Variants in PCIF1 observed in about 807,000 individuals in gnomAD.
The protein encoded by PCIF1 is phosphorylated CTD interacting factor 1.
A neutral mutation model predicts 86.9 loss-of-function variants in PCIF1; 12 were observed. The observed-to-expected ratio is 0.14, with a 90% confidence interval of 0.09 to 0.22. PCIF1 has a LOEUF of 0.22. PCIF1 is among the 10% of genes least tolerant of loss of function. The pLI is 1.00. For missense variants in PCIF1, 701 were observed against 951.1 expected (o/e 0.74, Z 3.46); for synonymous variants, 397 against 372.0 (o/e 1.07, Z -0.77).
At chr20:45,944,811 G>A in intron 10 of PCIF1, 57 bp from the exon 11 acceptor site, 2 of 1,559,516 alleles carry the variant, frequency 1.3e-6, no homozygotes, top group Non-Finnish European at 1.7e-6. Flanking sequence ...TTACCTGCCA[G>A]CCCAGCTGAG....
rs200149076 is a variant in PCIF1, at chr20:45,947,610, C to T, written c.1970C>T (p.Pro657Leu). The change falls in exon 17 of 17, where the codon CCT (proline) becomes CTT (leucine). Residue 657 changes from proline (P) to leucine (L), a missense_variant. By Grantham distance (98) the Pro-to-Leu change is moderately conservative. This residue lies in a region of PCIF1 where 174 missense variants were observed against 206.9 expected (regional missense o/e 0.84). Transcript: ENST00000372409. The surrounding 1 kb of genome is among the most constrained non-coding windows in gnomAD (Gnocchi z 5.4). ...GGCTTTGCCAAGTGGGCGCCGACGCCTGAACGGCTGCAGGAGCTGAGTGCT... is the reference window on the plus strand; with the variant it reads ...GGCTTTGCCAAGTGGGCGCCGACGCTTGAACGGCTGCAGGAGCTGAGTGCT... ...DPGFAKWAPT[P>L]ERLQELSAAY... The T allele has an allele frequency of 2.2e-4, 351 of 1,613,066 alleles. 1 individual carries two copies. In the East Asian group the frequency reaches 7.8e-3, roughly 36 times the overall value.
Position 45,943,527 on chromosome 20 carries a change from C to T in PCIF1, c.905+104C>T. 1 of 1,354,608 alleles carries T rather than the reference C, an allele frequency of 7.4e-7. No homozygotes were observed. Among genetic ancestry groups the T allele is most frequent in the South Asian group, 1.2e-5 (1 of 80,294 alleles). 83.9% of individuals were successfully genotyped at this position (1,354,608 alleles called of 1,614,324 possible). A position where few individuals can be genotyped will look rare whatever the true frequency, so the allele number is the denominator to read the frequency against. Reference sequence around the variant, plus strand: ...GCAGGGCTGTCATTGCTCTCGGTGGCAGAAGTGGGGCCAGCTCCCAAAGGC... The same window carrying T: ...GCAGGGCTGTCATTGCTCTCGGTGGTAGAAGTGGGGCCAGCTCCCAAAGGC... On this transcript the variant is annotated intron_variant, in intron 9 of 16. Coordinates refer to ENST00000372409, the MANE Select transcript of PCIF1 (RefSeq NM_022104.4). The surrounding 1 kb of genome is among the most constrained non-coding windows in gnomAD (Gnocchi z 5.5).
At chr20:45,945,949 C>T in intron 12 of PCIF1, 66 bp downstream of exon 12, 1 of 1,612,650 alleles carries the variant, frequency 6.2e-7, no homozygotes, top group Non-Finnish European at 8.5e-7. Context: ...CTTTCCTGAG[C>T]AGAGTCCCCA....
At chr20:45,936,264 C>T (rs2868363) in intron 1 of PCIF1, among the ~76,000 whole-genome samples, 133,050 of 151,580 alleles carry the variant, frequency 0.88, 59,224 homozygotes, top group Non-Finnish European at 0.95. Flanking sequence ...AACCTCCGCC[C>T]CCTGGGTTCA....
At chr20:45,937,934 A>C (rs555107420) in intron 2 of PCIF1, 2 of 207,812 alleles carry the variant, frequency 9.6e-6, no homozygotes, top group South Asian at 3.8e-4. Flanking sequence ...AATCAGTGTG[A>C]CCACAATGAG....
chr20:45,946,818 TGTG>T (rs1010716495), intron 14 of PCIF1, among the ~76,000 whole-genome samples: 4 of 152,324 alleles, frequency 2.6e-5, no homozygotes, highest in Middle Eastern at 3.4e-3. Context: ...TAGCTTCTGC[TGTG>T]GTGGTGGTGG....
At chr20:45,939,481 C>A in intron 4 of PCIF1, 142 bp downstream of exon 4, 1 of 1,247,146 alleles carries the variant, frequency 8.0e-7, no homozygotes, top group South Asian at 1.4e-5. Context: ...AGACACAGCC[C>A]CTGCCCTCAT....
At chr20:45,935,526 A>G (rs2083416823) in intron 1 of PCIF1, among the ~76,000 whole-genome samples, 1 of 152,176 alleles carries the variant, frequency 6.6e-6, no homozygotes, top group Non-Finnish European at 1.5e-5. Context: ...GACTCTACAT[A>G]TAACGGTCGA....
Position 45,943,028 on chromosome 20 carries a change from A to G in PCIF1, c.674-69A>G. 2 of 1,505,092 alleles carry G rather than the reference A, an allele frequency of 1.3e-6. No individual in the cohort carries two copies. The highest frequency in any genetic ancestry group is 1.2e-5 in the South Asian group (1 of 83,684). The allele number at this position is 1,505,092 out of a possible 1,614,324, so 93.2% of individuals were successfully genotyped here. A position where few individuals can be genotyped will look rare whatever the true frequency, so the allele number is the denominator to read the frequency against. ...CTTACTGCTGAATGCGATGCTTCCTATACGTGCCAAGCTCCAAGTGGGACT... is the reference window on the plus strand; with the variant it reads ...CTTACTGCTGAATGCGATGCTTCCTGTACGTGCCAAGCTCCAAGTGGGACT... On this transcript the variant is annotated intron_variant, in intron 7 of 16. Coordinates refer to ENST00000372409, the MANE Select transcript of PCIF1 (RefSeq NM_022104.4). This position sits in a 1 kb window ranked among gnomAD's most constrained non-coding sequence, Gnocchi z 5.5.
intron 1 of PCIF1, among the ~76,000 whole-genome samples, chr20:45,935,096 A>AGC (rs1273228445): frequency 1.2e-4 from 18 of 149,188 alleles, no homozygotes; most frequent in Non-Finnish European, 2.5e-4. Context: ...CGGGGGCGGG[A>AGC]GCGCGCGGCG....
At position 45,940,489 on chromosome 20, in the gene PCIF1, G is replaced by A; in HGVS notation, c.264G>A (p.Gly88=). Residue 88 remains glycine (G), a synonymous_variant, in exon 5 of 17, where the codon GGG becomes GGA. Transcript: ENST00000372409. ...GQHDVISDPL[G]LNATPLPQDS... Reference sequence around the variant, plus strand: ...CCCTCCACCAGTCGGACCCTTTGGGGCTGAATGCGACCCCACTGCCCCAAG... The same window carrying A: ...CCCTCCACCAGTCGGACCCTTTGGGACTGAATGCGACCCCACTGCCCCAAG... 5 of 1,606,138 alleles carry A rather than the reference G, an allele frequency of 3.1e-6. No homozygotes were observed. Among genetic ancestry groups the A allele is most frequent in the Non-Finnish European group, 3.4e-6 (4 of 1,176,032 alleles).
In PCIF1 at chr20:45,947,478, C is replaced by G. The variant is rs1048324083; in HGVS notation, c.1883+40C>G. 2.5e-6 allele frequency: 4 copies of G among 1,612,988 alleles called. No homozygotes were observed. Among genetic ancestry groups the G allele is most frequent in the Non-Finnish European group, 3.4e-6 (4 of 1,179,822 alleles). ...GGGCAGGGGAAGGAGGCTGGGCTGG[C>G]CAGGCCAGGCCCAGCCCCACCCTGA... On this transcript the variant is annotated intron_variant, in intron 16 of 16. Transcript: ENST00000372409. The surrounding 1 kb of genome is among the most constrained non-coding windows in gnomAD (Gnocchi z 5.4).
At position 45,944,504 on chromosome 20, in the gene PCIF1, A is replaced by C. The variant is rs564270586; in HGVS notation, c.1006-364A>C. ...TTCCCCAATAGACTGCAAACACCAT[A>C]AGCTGGGACTGTGCTGGTTTGTCTG... is the stretch of plus-strand genomic sequence containing the variant. On this transcript the variant is annotated intron_variant, in intron 10 of 16. Transcript: ENST00000372409. Among the ~76,000 whole-genome samples the C allele has an allele frequency of 2.7e-4, 41 of 152,368 alleles. No homozygotes were observed. The South Asian group carries it at 8.5e-3, about 32-fold the overall frequency.
rs755472660 is a variant in PCIF1, at chr20:45,946,091, C to T, written c.1404C>T (p.Val468=). 6.2e-7 allele frequency: 1 copy of T among 1,614,080 alleles called. No homozygotes were observed. Among genetic ancestry groups the T allele is most frequent in the East Asian group, 2.2e-5 (1 of 44,898 alleles). Reference sequence around the variant, plus strand: ...CCTTTGAGAGGTTCCTGCCCCGGGTCTGGTGTCTTCTCCGACGGTACCAGG... The same window carrying T: ...CCTTTGAGAGGTTCCTGCCCCGGGTTTGGTGTCTTCTCCGACGGTACCAGG... The part of the protein sequence containing the change: ...DSAFERFLPR[V]WCLLRRYQMM... Residue 468 remains valine, a synonymous_variant, in exon 13 of 17, where the codon GTC becomes GTT. Coordinates refer to ENST00000372409, the MANE Select transcript of PCIF1 (RefSeq NM_022104.4).
chr20:45,935,375 T>G (rs1425405779), intron 1 of PCIF1, among the ~76,000 whole-genome samples: 2 of 152,106 alleles, frequency 1.3e-5, no homozygotes, highest in Non-Finnish European at 2.9e-5. Flanking sequence ...GGTGGGTTTT[T>G]CTGGTTGCGC....
At position 45,946,044 on chromosome 20, in the gene PCIF1, T is replaced by A; in HGVS notation, c.1357T>A (p.Tyr453Asn). The A allele has an allele frequency of 6.2e-7, 1 of 1,614,160 alleles. No homozygotes were observed. Among genetic ancestry groups the A allele is most frequent in the Non-Finnish European group, 8.5e-7 (1 of 1,180,026 alleles). The part of the protein sequence containing the change: ...YFSKLWLLYR[Y>N]SCIDDSAFER... The stretch of plus-strand genomic sequence containing the variant: ...CGCTCCACAGTGGCTCCTTTACCGC[T>A]ACAGCTGCATTGATGACTCTGCCTT... Residue 453 changes from tyrosine to asparagine, a missense_variant, in exon 13 of 17, where the codon TAC (tyrosine) becomes AAC (asparagine). Coordinates refer to ENST00000372409, the MANE Select transcript of PCIF1 (RefSeq NM_022104.4).
chr20:45,946,394 A>G lies in PCIF1; in HGVS notation c.1613+10A>G. On this transcript the variant is annotated intron_variant, in intron 14 of 16. Transcript: ENST00000372409. ...ACTTTGGCTCCCGCGGGTGAGGGCC[A>G]AGGGCTGCCCCTCTACCCAGGCCAG... 6.2e-7 allele frequency: 1 copy of G among 1,611,710 alleles called. No individual in the cohort carries two copies. The highest frequency in any genetic ancestry group is 1.1e-5 in the South Asian group (1 of 91,060).
At chr20:45,946,462 TA>T (rs2083527615) in intron 14 of PCIF1, 78 bp downstream of exon 14, 1 of 1,515,104 alleles carries the variant, frequency 6.6e-7, no homozygotes, top group East Asian at 2.3e-5. Context: ...CTGCTGGCTG[TA>T]GTGTCAGGCA....
Position 45,943,503 on chromosome 20 carries a change from C to A in PCIF1, c.905+80C>A. 1.4e-6 allele frequency: 2 copies of A among 1,438,268 alleles called. No individual in the cohort carries two copies. Among genetic ancestry groups the A allele is most frequent in the Non-Finnish European group, 1.9e-6 (2 of 1,038,688 alleles). The allele number at this position is 1,438,268 out of a possible 1,614,324, so 89.1% of individuals were successfully genotyped here. A position where few individuals can be genotyped will look rare whatever the true frequency, so the allele number is the denominator to read the frequency against. The stretch of plus-strand genomic sequence containing the variant: ...ATAGGCCATCTTGCCCAGTCTCATG[C>A]AGGGCTGTCATTGCTCTCGGTGGCA... On this transcript the variant is annotated intron_variant, in intron 9 of 16. Coordinates refer to ENST00000372409, the MANE Select transcript of PCIF1 (RefSeq NM_022104.4). This position sits in a 1 kb window ranked among gnomAD's most constrained non-coding sequence, Gnocchi z 5.5.
Sources: allele counts gnomAD v4.1 joint callset (sites outside exome capture counted in the v4.1 genomes callset), GRCh38; gene constraint gnomAD v4.1.1; regional missense constraint gnomAD v4.1.1; non-coding constraint Gnocchi (gnomAD v3.1); transcripts MANE v1.5; gene names NCBI Gene and HGNC (gene_info 2026-07-23, HGNC 2026-07-21).